ADAMTSL1: variants seen among roughly 807,000 people sequenced by gnomAD.
ADAMTSL1 encodes ADAMTS-like protein 1.
In ADAMTSL1, 126 loss-of-function variants were observed where a neutral mutation model predicts 201.8. The observed-to-expected ratio is 0.62, with a 90% CI of 0.54 to 0.72. ADAMTSL1 has a LOEUF of 0.72. Ranked by LOEUF, ADAMTSL1 falls within the 30% of genes least tolerant of loss-of-function variation. ADAMTSL1 has a pLI of 0.00. For synonymous variants in ADAMTSL1, 1,121 were observed against 903.4 expected, an observed-to-expected ratio of 1.24 and a Z score of -4.32; for missense variants, 2,679 against 2,277.8, an observed-to-expected ratio of 1.18 and a Z score of -3.59.
chr9:17,950,724 G>C (rs187994242), intron 1 of ADAMTSL1, among the ~76,000 whole-genome samples: 2 of 151,954 alleles, frequency 1.3e-5, no homozygotes, highest in Admixed American at 1.3e-4. Context: ...ATTTATATCC[G>C]TCAGAGTCAC....
chr9:18,291,774 C>CAT (rs1554651475), intron 2 of ADAMTSL1, among the ~76,000 whole-genome samples: 1,676 of 144,386 alleles, frequency 0.012, 21 homozygotes, highest in East Asian at 0.031. Context: ...CACACACACA[C>CAT]ACACATCCCT....
At chr9:18,806,828 A>G (rs1269382173) in intron 20 of ADAMTSL1, among the ~76,000 whole-genome samples, 1 of 152,074 alleles carries the variant, frequency 6.6e-6, no homozygotes, top group Non-Finnish European at 1.5e-5. Flanking sequence ...TTGGCTGAAC[A>G]CTTCTGTTTT....
chr9:18,509,186 G>A (rs1282584166), intron 2 of ADAMTSL1, among the ~76,000 whole-genome samples: 5 of 32,340 alleles, frequency 1.5e-4, no homozygotes, highest in African/African-American at 3.4e-4. Context: ...GCGAGACTCC[G>A]TCTCAAAAAA....
intron 2 of ADAMTSL1, among the ~76,000 whole-genome samples, chr9:18,532,925 A>G (rs905707493): frequency 4.0e-5 from 6 of 151,740 alleles, no homozygotes; most frequent in Admixed American, 2.6e-4. Flanking sequence ...CAGAAATAAG[A>G]AGAAAGGATT....
chr9:18,259,307 T>C (rs2132526118), intron 2 of ADAMTSL1, among the ~76,000 whole-genome samples: 1 of 152,164 alleles, frequency 6.6e-6, no homozygotes, highest in Middle Eastern at 3.4e-3. Context: ...AGCGGACCAC[T>C]TGAACCCAGG....
chr9:18,499,248 G>A (rs112771550), intron 1 of ADAMTSL1, among the ~76,000 whole-genome samples: 5,565 of 152,232 alleles, frequency 0.037, 335 homozygotes, highest in African/African-American at 0.13. Flanking sequence ...CTGGGAAGGC[G>A]CATGCCTCAG....
At chr9:18,485,219 C>T (rs1821927887) in intron 1 of ADAMTSL1, among the ~76,000 whole-genome samples, 1 of 152,108 alleles carries the variant, frequency 6.6e-6, no homozygotes. Context: ...CATGTCTCAA[C>T]TCTCCGGTTT....
At chr9:18,393,705 T>A (rs1194316637) in intron 2 of ADAMTSL1, among the ~76,000 whole-genome samples, 1 of 152,184 alleles carries the variant, frequency 6.6e-6, no homozygotes, top group Non-Finnish European at 1.5e-5. Context: ...TAGGGACTTC[T>A]GAAAATGGCA....
intron 1 of ADAMTSL1, among the ~76,000 whole-genome samples, chr9:17,992,939 A>G (rs1244137866): frequency 1.3e-5 from 2 of 152,150 alleles, no homozygotes; most frequent in Non-Finnish European, 2.9e-5. Context: ...ATCAAACTGA[A>G]TGGAAAATTG....
chr9:18,299,009 C>CT (rs1285067738), intron 2 of ADAMTSL1, among the ~76,000 whole-genome samples: 1 of 97,740 alleles, frequency 1.0e-5, no homozygotes, highest in Admixed American at 1.4e-4. Context: ...CAGACTCCGT[C>CT]TCAAAAAAAA....
chr9:18,884,613 A>G (rs760083278), intron 23 of ADAMTSL1, among the ~76,000 whole-genome samples: 1 of 152,176 alleles, frequency 6.6e-6, no homozygotes, highest in African/African-American at 2.4e-5. Context: ...ATTTGTTCAC[A>G]TATGGATATC....
At chr9:18,416,879 A>G (rs181687724) in intron 2 of ADAMTSL1, among the ~76,000 whole-genome samples, 70 of 152,194 alleles carry the variant, frequency 4.6e-4, no homozygotes, top group African/African-American at 1.6e-3. Context: ...GAAAATCATC[A>G]AGGTATAGAA....
chr9:18,235,721 A>C (rs2132427103), intron 2 of ADAMTSL1, among the ~76,000 whole-genome samples: 1 of 152,290 alleles, frequency 6.6e-6, no homozygotes, highest in Middle Eastern at 3.4e-3. Context: ...TCCAGGCTCC[A>C]TGATCTCATT....
Position 18,202,804 on chromosome 9 carries a change from A to G in ADAMTSL1, c.207+38823A>G, listed in dbSNP as rs141307775. Among the ~76,000 whole-genome samples the G allele has an allele frequency of 4.3e-3, 648 of 152,276 alleles. 2 individuals are homozygous for G. The highest frequency in any genetic ancestry group is 0.031 in the Middle Eastern group (9 of 294). ...TTCATCTCCAGTTTCTGTCTTCAGA[A>G]TAGACACAACCTTAGGTTGAGTGGG... On this transcript the variant is annotated intron_variant, in intron 2 of 29. Coordinates refer to the ADAMTSL1 transcript ENST00000680146.
intron 1 of ADAMTSL1, among the ~76,000 whole-genome samples, chr9:18,146,984 T>C (rs191251351): frequency 7.0e-4 from 106 of 152,254 alleles, no homozygotes; most frequent in African/African-American, 2.5e-3. Context: ...CTCTATCTCT[T>C]TGAAGGCATG....
At chr9:18,113,563 C>A (rs888220076) in intron 1 of ADAMTSL1, among the ~76,000 whole-genome samples, 5 of 152,074 alleles carry the variant, frequency 3.3e-5, no homozygotes, top group Middle Eastern at 6.8e-3. Flanking sequence ...TCTCAAGGTA[C>A]CAATAACAAA....
chr9:18,821,354 T>C (rs1048557294), intron 21 of ADAMTSL1, among the ~76,000 whole-genome samples: 3 of 152,134 alleles, frequency 2.0e-5, no homozygotes, highest in Non-Finnish European at 4.4e-5. Flanking sequence ...GTCTGACATC[T>C]GGAACACATG....
At chr9:17,944,558 C>G (rs1827377112) in intron 1 of ADAMTSL1, among the ~76,000 whole-genome samples, 1 of 149,890 alleles carries the variant, frequency 6.7e-6, no homozygotes, top group Non-Finnish European at 1.5e-5. Context: ...TACCTGACTT[C>G]AAACTATACT....
intron 2 of ADAMTSL1, among the ~76,000 whole-genome samples, chr9:18,166,287 A>G (rs144098288): frequency 1.9e-4 from 29 of 152,050 alleles, no homozygotes; most frequent in African/African-American, 7.0e-4. Flanking sequence ...TGAGGGTTTA[A>G]TCACAAATGA....
Sources: allele counts gnomAD v4.1 joint callset (sites outside exome capture counted in the v4.1 genomes callset), GRCh38; gene constraint gnomAD v4.1.1; transcripts MANE v1.5; gene names NCBI Gene and HGNC (gene_info 2026-07-23, HGNC 2026-07-21).